The following CDC23 variants were observed in gnomAD, a reference collection of about 807,000 sequenced individuals.
The protein encoded by CDC23 is cell division cycle 23, also known as cell division cycle protein 23 homolog.
A neutral mutation model predicts 81.7 loss-of-function variants in CDC23; 26 were observed. The ratio of observed to expected loss-of-function variants is 0.32; its 90% confidence interval spans 0.23 to 0.44. The LOEUF is 0.44. Ranked by LOEUF, CDC23 falls within the 20% of genes least tolerant of loss-of-function variation. The probability of loss-of-function intolerance (pLI) is 1.00; values close to 1 mark genes in which losing one functional copy is unlikely to be tolerated. For missense variants in CDC23, 519 were observed against 728.0 expected (o/e 0.71, Z 3.30); for synonymous variants, 267 against 270.8 (o/e 0.99, Z 0.14).
At position 138,204,630 on chromosome 5, in the gene CDC23, T is replaced by TTTTTTTG. The variant is rs1755027150; in HGVS notation, c.372+1910_372+1916dup. ...GTAAACATTCAGACTCTCTTTTTTC[T>TTTTTTTG]TTTTTTGGAGACGGAGTCTCACTCT... On this transcript the variant is annotated intron_variant, in intron 3 of 15. Transcript: ENST00000394886. Among the ~76,000 whole-genome samples the TTTTTTTG allele has an allele frequency of 3.0e-5, 2 of 67,548 alleles. 1 individual carries two copies. Among genetic ancestry groups the TTTTTTTG allele is most frequent in the South Asian group, 1.2e-3 (2 of 1,648 alleles). 44.3% of individuals were successfully genotyped at this position (67,548 alleles called of 152,430 possible). A position where few individuals can be genotyped will look rare whatever the true frequency, so the allele number is the denominator to read the frequency against.
intron 2 of CDC23, 101 bp from the exon 3 acceptor site, chr5:138,206,785 ATTG>A: frequency 8.8e-7 from 1 of 1,130,434 alleles, no homozygotes. Flanking sequence ...AAGAAAAAGG[ATTG>A]TTTTCTTCCT....
chr5:138,212,161 ATACTAT>A (rs942757651), intron 2 of CDC23, among the ~76,000 whole-genome samples: 91 of 152,164 alleles, frequency 6.0e-4, no homozygotes, highest in African/African-American at 2.1e-3. Flanking sequence ...CATTGAGTAG[ATACTAT>A]TACTATCGTC....
rs1754943403 is a variant in CDC23 at position 138,198,417 on chromosome 5, G to A, written c.930+9C>T. The A allele has an allele frequency of 2.5e-6, 4 of 1,612,312 alleles. No individual in the cohort carries two copies. In the South Asian group the frequency reaches 4.4e-5, roughly 18 times the overall value. On this transcript the variant is annotated intron_variant, in intron 8 of 15. Transcript: ENST00000394886. ...GCTTAATCAAATCCAAGCAAGGGAA[G>A]CAGCTCACCCTGACATAAAGAAGGT...
At chr5:138,210,215 C>CAA (rs374700363) in intron 2 of CDC23, among the ~76,000 whole-genome samples, 26 of 114,042 alleles carry the variant, frequency 2.3e-4, no homozygotes, top group African/African-American at 6.8e-4. Flanking sequence ...GACTCCGTCT[C>CAA]AAAAAAAAAA....
intron 2 of CDC23, among the ~76,000 whole-genome samples, chr5:138,208,920 T>C (rs187685134): frequency 4.6e-5 from 7 of 152,274 alleles, no homozygotes; most frequent in Non-Finnish European, 7.4e-5. Flanking sequence ...GCCTCTGAAG[T>C]CACTGGGTCC....
intron 6 of CDC23, among the ~76,000 whole-genome samples, chr5:138,199,021 T>C (rs1754953321): frequency 6.6e-6 from 1 of 151,956 alleles, no homozygotes; most frequent in Non-Finnish European, 1.5e-5. Flanking sequence ...TCTTAGAGAA[T>C]GGGTAGGATT....
chr5:138,204,046 A>G (rs924229723), intron 3 of CDC23, among the ~76,000 whole-genome samples: 1 of 152,262 alleles, frequency 6.6e-6, no homozygotes, highest in South Asian at 2.1e-4. Context: ...TATTCTAAAG[A>G]GAACAAATTA....
intron 9 of CDC23, among the ~76,000 whole-genome samples, chr5:138,193,377 C>T (rs1561633320): frequency 6.6e-6 from 1 of 152,058 alleles, no homozygotes; most frequent in African/African-American, 2.4e-5. Flanking sequence ...GGACAGATCA[C>T]CTGAGGTCAG....
intron 6 of CDC23, among the ~76,000 whole-genome samples, chr5:138,199,118 T>C (rs534025448): frequency 1.0e-3 from 154 of 152,212 alleles, no homozygotes; most frequent in Middle Eastern, 6.8e-3. Context: ...GTCATGATGA[T>C]TGTGAGTGAG....
chr5:138,200,881 T>G, intron 6 of CDC23: 1 of 487,006 alleles, frequency 2.1e-6, no homozygotes, highest in South Asian at 3.5e-5. Context: ...ATGAAAAAAA[T>G]ATTCTAGTAT....
chr5:138,198,474 A>G lies in CDC23; in HGVS notation c.882T>C (p.Pro294=), dbSNP rs780148166. The part of the protein sequence containing the change: ...SIFNELRKQD[P]YRIENMDTFS... ...ATGTGTCCATATTTTCAATCCTGTA[A>G]GGGTCTTGTTTCCTTAGCTCATTAA... is the stretch of plus-strand genomic sequence containing the variant. The change falls in exon 8 of 16, where the codon CCT becomes CCC. Residue 294 remains proline, a synonymous_variant. Transcript: ENST00000394886. The G allele has an allele frequency of 6.2e-7, 1 of 1,614,182 alleles. No individual in the cohort carries two copies. The highest frequency in any genetic ancestry group is 8.5e-7 in the Non-Finnish European group (1 of 1,180,032).
At position 138,213,135 on chromosome 5, in the gene CDC23, C is replaced by T; in HGVS notation, c.161+17G>A. ...CCAAGGATCCAAGCCCCGTCCCTTC[C>T]CACTCCAACATCTCACCATTTGCTA... is the stretch of plus-strand genomic sequence containing the variant. On this transcript the variant is annotated intron_variant, in intron 1 of 15. Coordinates refer to ENST00000394886, the MANE Select transcript of CDC23 (RefSeq NM_004661.4). 1 of 1,614,164 alleles carries T rather than the reference C, an allele frequency of 6.2e-7. No individual in the cohort carries two copies. Among genetic ancestry groups the T allele is most frequent in the Non-Finnish European group, 8.5e-7 (1 of 1,180,004 alleles).
chr5:138,195,392 G>C (rs910463550), intron 9 of CDC23, among the ~76,000 whole-genome samples: 2 of 149,054 alleles, frequency 1.3e-5, no homozygotes, highest in African/African-American at 2.5e-5. Flanking sequence ...TAGGTAACTT[G>C]TCCAAGATTA....
intron 6 of CDC23, among the ~76,000 whole-genome samples, chr5:138,199,637 T>C (rs2126585028): frequency 6.6e-6 from 1 of 152,250 alleles, no homozygotes; most frequent in South Asian, 2.1e-4. Context: ...ACAGACTAGA[T>C]AAAGGCAGAT....
In CDC23 at chr5:138,187,676, C is replaced by G. The variant is rs185083015; in HGVS notation, c.*1302G>C. ...TATTGTTCACATTTTTTATTGAATTCCAAATGTAGCAAAATCATTAAAACA... is the reference window on the plus strand; with the variant it reads ...TATTGTTCACATTTTTTATTGAATTGCAAATGTAGCAAAATCATTAAAACA... On this transcript the variant is annotated 3_prime_UTR_variant, in exon 16 of 16. Coordinates refer to ENST00000394886, the MANE Select transcript of CDC23 (RefSeq NM_004661.4). 3.3e-6 allele frequency: 1 copy of G among 304,722 alleles called. No homozygotes were observed. Among genetic ancestry groups the G allele is most frequent in the African/African-American group, 2.2e-5 (1 of 46,104 alleles). The allele number at this position is 304,722 out of a possible 1,614,324, so 18.9% of individuals were successfully genotyped here.
intron 9 of CDC23, among the ~76,000 whole-genome samples, chr5:138,197,743 C>T (rs1030797144): frequency 6.6e-6 from 1 of 151,892 alleles, no homozygotes; most frequent in African/African-American, 2.4e-5. Flanking sequence ...GATCTGCCTG[C>T]CCTGGCATCC....
In CDC23 at chr5:138,188,877, CAAG is replaced by C. The variant is rs779826294; in HGVS notation, c.*98_*100del. On this transcript the variant is annotated 3_prime_UTR_variant, in exon 16 of 16. Coordinates refer to ENST00000394886, the MANE Select transcript of CDC23 (RefSeq NM_004661.4). ...ATGGAGCTGTTGCCATCTGTAGAAA[CAAG>C]AAGAGCTGAGGTCCTTGGAACAGAC... The C allele has an allele frequency of 1.4e-5, 17 of 1,174,666 alleles. No homozygotes were observed. The highest frequency in any genetic ancestry group is 3.3e-5 in the South Asian group (2 of 60,084). The allele number at this position is 1,174,666 out of a possible 1,614,324, so 72.8% of individuals were successfully genotyped here. A position where few individuals can be genotyped will look rare whatever the true frequency, so the allele number is the denominator to read the frequency against.
At chr5:138,210,165 G>A (rs1356331380) in intron 2 of CDC23, among the ~76,000 whole-genome samples, 2 of 150,850 alleles carry the variant, frequency 1.3e-5, no homozygotes, top group Admixed American at 1.3e-4. Context: ...GCGGTGAGCC[G>A]AGATTGAGCC....
chr5:138,189,255 C>T, intron 15 of CDC23, 107 bp from the exon 16 acceptor site: 2 of 1,063,262 alleles, frequency 1.9e-6, no homozygotes, highest in Admixed American at 2.5e-5. Flanking sequence ...AGGCGGGAGG[C>T]TTGCTTGTTT....
Sources: allele counts gnomAD v4.1 joint callset (sites outside exome capture counted in the v4.1 genomes callset), GRCh38; gene constraint gnomAD v4.1.1; transcripts MANE v1.5; gene names NCBI Gene and HGNC (gene_info 2026-07-23, HGNC 2026-07-21).